Variants in ZMAT4 observed in about 807,000 individuals in gnomAD.
ZMAT4 encodes zinc finger matrin-type 4, also known as zinc finger matrin-type protein 4.
A neutral mutation model predicts 28.7 loss-of-function variants in ZMAT4; 17 were observed. The ratio of observed to expected loss-of-function variants is 0.59; its 90% CI spans 0.41 to 0.89. ZMAT4 has a LOEUF of 0.89. Ranked by LOEUF, ZMAT4 falls within the 40% of genes least tolerant of loss-of-function variation. The pLI is 0.00. For missense variants in ZMAT4, 240 were observed against 283.8 expected (o/e 0.85, Z 1.11); for synonymous variants, 117 against 109.2 (o/e 1.07, Z -0.44).
chr8:40,802,853 G>T (rs1814912943), intron 2 of ZMAT4, among the ~76,000 whole-genome samples: 2 of 152,108 alleles, frequency 1.3e-5, no homozygotes, highest in South Asian at 2.1e-4. Context: ...AAGACAGTTT[G>T]GTATTGGTGA....
chr8:40,818,214 A>G (rs745984105), intron 2 of ZMAT4, among the ~76,000 whole-genome samples: 3 of 152,230 alleles, frequency 2.0e-5, no homozygotes, highest in Non-Finnish European at 4.4e-5. Context: ...TTGACTAACA[A>G]TGACTGATAA....
intron 4 of ZMAT4, among the ~76,000 whole-genome samples, chr8:40,687,146 G>A (rs1809446196): frequency 6.6e-6 from 1 of 152,158 alleles, no homozygotes; most frequent in Admixed American, 6.5e-5. Context: ...GATGATATGA[G>A]GAAGAAAAGT....
intron 1 of ZMAT4, among the ~76,000 whole-genome samples, chr8:40,858,432 A>C (rs1817373571): frequency 6.6e-6 from 1 of 152,204 alleles, no homozygotes; most frequent in Non-Finnish European, 1.5e-5. Flanking sequence ...CTTGGAATTG[A>C]GATCTGGTGG....
chr8:40,730,618 T>TC (rs1292287367), intron 3 of ZMAT4, among the ~76,000 whole-genome samples: 1 of 152,176 alleles, frequency 6.6e-6, no homozygotes, highest in African/African-American at 2.4e-5. Context: ...AGGATTCAGA[T>TC]CTAAGTGTGT....
At chr8:40,764,286 T>G (rs1813056188) in intron 3 of ZMAT4, among the ~76,000 whole-genome samples, 1 of 152,022 alleles carries the variant, frequency 6.6e-6, no homozygotes, top group Non-Finnish European at 1.5e-5. Flanking sequence ...AAGATCCGAG[T>G]AAGGATTCTA....
chr8:40,813,595 C>CG (rs1815415504), intron 2 of ZMAT4, among the ~76,000 whole-genome samples: 1 of 152,040 alleles, frequency 6.6e-6, no homozygotes, highest in African/African-American at 2.4e-5. Flanking sequence ...AAGCAAGTGA[C>CG]GGCTTGCCAA....
At chr8:40,768,894 T>C (rs907385450) in intron 2 of ZMAT4, among the ~76,000 whole-genome samples, 2 of 152,200 alleles carry the variant, frequency 1.3e-5, no homozygotes, top group Admixed American at 1.3e-4. Flanking sequence ...AGTTGCATCC[T>C]AGCCCATCTC....
intron 1 of ZMAT4, among the ~76,000 whole-genome samples, chr8:40,836,686 C>T (rs1267850105): frequency 6.6e-6 from 1 of 151,484 alleles, no homozygotes; most frequent in East Asian, 1.9e-4. Context: ...CTTGGGCATA[C>T]ATGTAGAAAA....
intron 2 of ZMAT4, among the ~76,000 whole-genome samples, chr8:40,775,364 G>C (rs1813547184): frequency 6.6e-6 from 1 of 152,252 alleles, no homozygotes; most frequent in Admixed American, 6.5e-5. Context: ...GGAGCCCACA[G>C]ACCAGAGATA....
At position 40,832,989 on chromosome 8, in the gene ZMAT4, C is replaced by T. The variant is rs956048355; in HGVS notation, c.-4-7309G>A. ...TTTGGTGGCTGTTGCCTGACATTTGCTCCCTTTCCCCTGCCACTGTCCTTC... is the reference window on the plus strand; with the variant it reads ...TTTGGTGGCTGTTGCCTGACATTTGTTCCCTTTCCCCTGCCACTGTCCTTC... On this transcript the variant is annotated intron_variant, in intron 1 of 6. Transcript: ENST00000297737. Among the ~76,000 whole-genome samples, 3 of 152,278 alleles carry T rather than the reference C, an allele frequency of 2.0e-5. No individual in the cohort carries two copies. In the South Asian group the frequency reaches 6.2e-4, roughly 32 times the overall value.
At chr8:40,765,168 CA>C (rs1029641551) in intron 3 of ZMAT4, among the ~76,000 whole-genome samples, 2 of 152,146 alleles carry the variant, frequency 1.3e-5, no homozygotes, top group Admixed American at 1.3e-4. Context: ...CCGGACCCAG[CA>C]ATGGCTTCAA....
intron 2 of ZMAT4, among the ~76,000 whole-genome samples, chr8:40,801,351 A>AATATATATATATATATAT (rs1554559737): frequency 1.0e-5 from 1 of 97,254 alleles, no homozygotes; most frequent in African/African-American, 3.7e-5. Context: ...TAAAAAAAAA[A>AATATATATATATATATAT]ATATATATAT....
intron 5 of ZMAT4, among the ~76,000 whole-genome samples, chr8:40,651,150 G>C (rs1345407253): frequency 6.6e-6 from 1 of 152,056 alleles, no homozygotes; most frequent in Non-Finnish European, 1.5e-5. Flanking sequence ...CCTGTTTGCA[G>C]ACGACATGAT....
intron 1 of ZMAT4, among the ~76,000 whole-genome samples, chr8:40,833,846 A>G (rs951621132): frequency 2.6e-5 from 4 of 152,130 alleles, no homozygotes; most frequent in African/African-American, 9.7e-5. Flanking sequence ...TGTCTTTCCC[A>G]TTCCTGATGT....
intron 3 of ZMAT4, among the ~76,000 whole-genome samples, chr8:40,726,431 C>A (rs1008602131): frequency 6.6e-6 from 1 of 152,186 alleles, no homozygotes; most frequent in Non-Finnish European, 1.5e-5. Flanking sequence ...TCTCAATTTT[C>A]TCTCTCCTGA....
At chr8:40,579,869 C>T (rs1327281588) in intron 6 of ZMAT4, among the ~76,000 whole-genome samples, 1 of 152,112 alleles carries the variant, frequency 6.6e-6, no homozygotes, top group Non-Finnish European at 1.5e-5. Flanking sequence ...GCACTAGTGT[C>T]CCCTAAAGCT....
intron 1 of ZMAT4, among the ~76,000 whole-genome samples, chr8:40,882,173 G>A (rs4736884): frequency 0.22 from 32,856 of 152,056 alleles, 3,624 homozygotes; most frequent in Admixed American, 0.25. Context: ...ACAGCTGATC[G>A]TTCACTTGAT....
chr8:40,585,855 G>A (rs557824775), intron 5 of ZMAT4, among the ~76,000 whole-genome samples: 31 of 152,196 alleles, frequency 2.0e-4, no homozygotes, highest in African/African-American at 7.0e-4. Context: ...CTATTTATAT[G>A]GGTCTTCTTC....
At chr8:40,861,671 C>T (rs1015754563) in intron 1 of ZMAT4, among the ~76,000 whole-genome samples, 4 of 152,200 alleles carry the variant, frequency 2.6e-5, no homozygotes, top group African/African-American at 4.8e-5. Context: ...ATCTACTCAT[C>T]TGACAAAGAG....
Sources: allele counts gnomAD v4.1 joint callset (sites outside exome capture counted in the v4.1 genomes callset), GRCh38; gene constraint gnomAD v4.1.1; transcripts MANE v1.5; gene names NCBI Gene and HGNC (gene_info 2026-07-23, HGNC 2026-07-21).